SLC44A5: variants seen among roughly 807,000 people sequenced by gnomAD.
The protein encoded by SLC44A5 is choline transporter-like protein 5.
A neutral mutation model predicts 101.8 loss-of-function variants in SLC44A5; 57 were observed. The observed-to-expected ratio is 0.56, with a 90% confidence interval of 0.45 to 0.70. The LOEUF (loss-of-function observed/expected upper bound fraction) is 0.70. Ranked by LOEUF, SLC44A5 falls within the 30% of genes least tolerant of loss-of-function variation. The pLI, the probability that SLC44A5 is intolerant of heterozygous loss-of-function variation, is 0.00. For missense variants in SLC44A5, 737 were observed against 853.1 expected, an observed-to-expected ratio of 0.86 and a Z score of 1.70; for synonymous variants, 281 against 290.9, an observed-to-expected ratio of 0.97 and a Z score of 0.35.
chr1:75,462,617 A>G (rs1666566596), intron 2 of SLC44A5, among the ~76,000 whole-genome samples: 1 of 152,150 alleles, frequency 6.6e-6, no homozygotes, highest in South Asian at 2.1e-4. Flanking sequence ...TTTTGAGGAA[A>G]TGCAATGAAA....
chr1:75,383,675 G>C (rs1203999009), intron 3 of SLC44A5, among the ~76,000 whole-genome samples: 1 of 152,124 alleles, frequency 6.6e-6, no homozygotes, highest in Non-Finnish European at 1.5e-5. Flanking sequence ...AGCAAGGCAG[G>C]CCAACATTCA....
chr1:75,384,777 C>T (rs886913803), intron 3 of SLC44A5, among the ~76,000 whole-genome samples: 3 of 144,164 alleles, frequency 2.1e-5, no homozygotes, highest in Non-Finnish European at 3.0e-5. Flanking sequence ...CCACACCACA[C>T]CTATTCCAAA....
chr1:75,722,652 G>C, the SLC44A5 span, among the ~76,000 whole-genome samples: 1 of 152,176 alleles, frequency 6.6e-6, no homozygotes, highest in Non-Finnish European at 1.5e-5. Flanking sequence ...GAAGGGCTGT[G>C]GAAGCTCTGT....
intron 3 of SLC44A5, among the ~76,000 whole-genome samples, chr1:75,348,765 A>G (rs891054154): frequency 2.0e-5 from 3 of 152,250 alleles, no homozygotes; most frequent in Admixed American, 6.5e-5. Flanking sequence ...AAGTCTTCAG[A>G]TATTTAAATT....
chr1:75,640,710 T>C, the SLC44A5 span, among the ~76,000 whole-genome samples: 1 of 152,090 alleles, frequency 6.6e-6, no homozygotes, highest in South Asian at 2.1e-4. Flanking sequence ...ATGCAAATAT[T>C]AAAACCAGTT....
rs140928509 is a variant in SLC44A5, at chr1:75,423,299, T to C, written c.14-26678A>G. ...CAAACAATGAAATATAAACATATCA[T>C]ACTGCAGTTTCCTATGGCTGGTGAA... is the stretch of plus-strand genomic sequence containing the variant. On this transcript the variant is annotated intron_variant, in intron 2 of 23. Transcript: ENST00000370859. Among the ~76,000 whole-genome samples, 14 of 152,318 alleles carry C rather than the reference T, an allele frequency of 9.2e-5. No individual in the cohort carries two copies. In the East Asian group the frequency reaches 2.5e-3, roughly 27 times the overall value.
chr1:75,289,188 G>A (rs1336775993), intron 5 of SLC44A5, among the ~76,000 whole-genome samples: 1 of 152,094 alleles, frequency 6.6e-6, no homozygotes, highest in African/African-American at 2.4e-5. Context: ...GATTTGAGTA[G>A]AGCTCAGAGA....
At chr1:75,690,034 A>C in the SLC44A5 span, among the ~76,000 whole-genome samples, 3 of 152,156 alleles carry the variant, frequency 2.0e-5, no homozygotes, top group African/African-American at 7.2e-5. Flanking sequence ...CCTAATCAGC[A>C]GGAAGTAGAA....
At chr1:75,473,028 G>A (rs188033337) in intron 2 of SLC44A5, among the ~76,000 whole-genome samples, 30 of 152,260 alleles carry the variant, frequency 2.0e-4, no homozygotes, top group African/African-American at 2.4e-4. Flanking sequence ...CCTAGTCCTC[G>A]TGTAAAAATA....
intron 1 of SLC44A5, among the ~76,000 whole-genome samples, chr1:75,607,374 C>T (rs1034870230): frequency 2.6e-5 from 4 of 151,986 alleles, no homozygotes; most frequent in African/African-American, 7.2e-5. Flanking sequence ...ACTGCTTCTA[C>T]CCTGATAGAT....
intron 3 of SLC44A5, among the ~76,000 whole-genome samples, chr1:75,374,902 C>T (rs552465070): frequency 6.6e-6 from 1 of 152,262 alleles, no homozygotes; most frequent in Middle Eastern, 3.4e-3. Flanking sequence ...ATACTGGCCC[C>T]CTCATATGAG....
chr1:75,276,927 T>C (rs1373740920), intron 5 of SLC44A5, among the ~76,000 whole-genome samples: 1 of 152,142 alleles, frequency 6.6e-6, no homozygotes, highest in African/African-American at 2.4e-5. Context: ...ATTGTAAAAC[T>C]GCCCACCACA....
At chr1:75,659,467 A>AGGAC in the SLC44A5 span, among the ~76,000 whole-genome samples, 1 of 56,598 alleles carries the variant, frequency 1.8e-5, no homozygotes, top group Non-Finnish European at 3.9e-5. Context: ...GAAGGAAGGA[A>AGGAC]GGAAGGAAGG....
At chr1:75,629,113 T>C in the SLC44A5 span, among the ~76,000 whole-genome samples, 1 of 152,036 alleles carries the variant, frequency 6.6e-6, no homozygotes, top group Non-Finnish European at 1.5e-5. Context: ...TAGAAAATAA[T>C]TAGGACAAGA....
intron 2 of SLC44A5, among the ~76,000 whole-genome samples, chr1:75,397,362 G>A (rs1342883047): frequency 3.9e-5 from 6 of 152,064 alleles, no homozygotes; most frequent in Non-Finnish European, 8.8e-5. Flanking sequence ...TCATTAATTA[G>A]AGCTATTGAA....
At chr1:75,383,780 G>GA (rs1336708655) in intron 3 of SLC44A5, among the ~76,000 whole-genome samples, 14 of 152,000 alleles carry the variant, frequency 9.2e-5, no homozygotes, top group African/African-American at 3.4e-4. Context: ...TGAAATGAAG[G>GA]AAAAAATGTT....
intron 3 of SLC44A5, among the ~76,000 whole-genome samples, chr1:75,384,718 C>A (rs1661174240): frequency 7.8e-6 from 1 of 128,264 alleles, no homozygotes; most frequent in Non-Finnish European, 1.6e-5. Context: ...TAATAGACAT[C>A]TACAGAACTC....
rs769100793 is a variant in SLC44A5 at position 75,396,667 on chromosome 1, T to C, written c.14-46A>G. ...CAAAAAAAATATTTGTAGGGGCTGA[T>C]GACTCTGAGGTTCTATACACATCTC... On this transcript the variant is annotated intron_variant, in intron 2 of 23. Transcript: ENST00000370859. The C allele has an allele frequency of 4.7e-6, 7 of 1,474,734 alleles. No homozygotes were observed. The Admixed American group carries it at 5.0e-5, about 11-fold the overall frequency. 91.4% of individuals were successfully genotyped at this position (1,474,734 alleles called of 1,614,324 possible). A position where few individuals can be genotyped will look rare whatever the true frequency, so the allele number is the denominator to read the frequency against.
intron 4 of SLC44A5, among the ~76,000 whole-genome samples, chr1:75,323,862 C>T (rs1328211489): frequency 6.6e-6 from 1 of 152,152 alleles, no homozygotes; most frequent in Non-Finnish European, 1.5e-5. Flanking sequence ...CTATTGAGCT[C>T]ATTCAGCATA....
Sources: allele counts gnomAD v4.1 joint callset (sites outside exome capture counted in the v4.1 genomes callset), GRCh38; gene constraint gnomAD v4.1.1; transcripts MANE v1.5; gene names NCBI Gene and HGNC (gene_info 2026-07-23, HGNC 2026-07-21).